CSMD1: variants seen among roughly 807,000 people sequenced by gnomAD.
CSMD1 encodes the protein CUB and sushi domain-containing protein 1.
CSMD1 carries 213 observed loss-of-function variants against 417.5 expected under a neutral mutation model. That is an observed-to-expected ratio of 0.51 (90% CI 0.46 to 0.57). The LOEUF is 0.57. Among genes scored for constraint, CSMD1 ranks in the 20% least tolerant of loss-of-function variants. The pLI, the probability that CSMD1 is intolerant of heterozygous loss-of-function variation, is 0.00. For missense variants in CSMD1, 6,923 were observed against 4,529.7 expected, an observed-to-expected ratio of 1.53 and a Z score of -15.17; for synonymous variants, 2,862 against 1,736.8, an observed-to-expected ratio of 1.65 and a Z score of -16.11.
At chr8:3,919,618 G>A (rs1809087330) in intron 5 of CSMD1, among the ~76,000 whole-genome samples, 1 of 151,960 alleles carries the variant, frequency 6.6e-6, no homozygotes, top group African/African-American at 2.4e-5. Flanking sequence ...GTTATCTCTG[G>A]TCTTTTGTGA....
At chr8:2,941,900 G>C (rs1801901289) in intron 69 of CSMD1, among the ~76,000 whole-genome samples, 1 of 152,170 alleles carries the variant, frequency 6.6e-6, no homozygotes, top group African/African-American at 2.4e-5. Context: ...GTTGGCCATG[G>C]AGCCTGAATG....
chr8:3,635,760 G>A (rs573216532), intron 7 of CSMD1, among the ~76,000 whole-genome samples: 24 of 138,108 alleles, frequency 1.7e-4, no homozygotes, highest in African/African-American at 6.5e-4. Context: ...TGGGATTACA[G>A]GTATGAACCT....
intron 3 of CSMD1, among the ~76,000 whole-genome samples, chr8:4,324,923 G>A (rs1413636902): frequency 6.6e-6 from 1 of 152,122 alleles, no homozygotes; most frequent in Non-Finnish European, 1.5e-5. Flanking sequence ...TAGGTATGGG[G>A]CCTCTTCACG....
chr8:4,257,471 G>C (rs921913975), intron 3 of CSMD1, among the ~76,000 whole-genome samples: 1 of 152,040 alleles, frequency 6.6e-6, no homozygotes, highest in Admixed American at 6.6e-5. Flanking sequence ...ATAGTTTTAA[G>C]AATGCATATA....
chr8:3,312,472 A>G (rs1353179673), intron 23 of CSMD1, among the ~76,000 whole-genome samples: 1 of 152,184 alleles, frequency 6.6e-6, no homozygotes, highest in African/African-American at 2.4e-5. Context: ...CCTGTCAGAA[A>G]GTTGAAAGTA....
intron 48 of CSMD1, 62 bp from the exon 49 acceptor site, chr8:3,087,347 G>T: frequency 2.0e-6 from 3 of 1,501,782 alleles, no homozygotes; most frequent in African/African-American, 2.7e-5. Flanking sequence ...CAGTGCCATT[G>T]CCTTTGTGAG....
intron 3 of CSMD1, among the ~76,000 whole-genome samples, chr8:4,305,592 A>G (rs774940148): frequency 2.6e-5 from 4 of 152,190 alleles, no homozygotes; most frequent in Non-Finnish European, 5.9e-5. Context: ...GTAAAAAATT[A>G]ACCTTTCAAT....
intron 1 of CSMD1, among the ~76,000 whole-genome samples, chr8:4,709,487 G>C (rs1017725131): frequency 1.3e-5 from 2 of 152,212 alleles, no homozygotes; most frequent in African/African-American, 4.8e-5. Context: ...AACAGGGGGA[G>C]CCTCATGTGC....
At chr8:3,085,306 C>T (rs977615262) in intron 49 of CSMD1, among the ~76,000 whole-genome samples, 3 of 152,080 alleles carry the variant, frequency 2.0e-5, no homozygotes, top group Admixed American at 1.3e-4. Context: ...ATATTGACTC[C>T]CAGGTTAACA....
At chr8:3,995,960 G>A (rs933349748) in intron 5 of CSMD1, among the ~76,000 whole-genome samples, 1 of 152,112 alleles carries the variant, frequency 6.6e-6, no homozygotes, top group Non-Finnish European at 1.5e-5. Flanking sequence ...CTGGATCCAG[G>A]CACCAAGAAG....
chr8:3,822,663 CTTCTCAGCTTCACA>C (rs1801804399), intron 5 of CSMD1, among the ~76,000 whole-genome samples: 1 of 152,180 alleles, frequency 6.6e-6, no homozygotes, highest in African/African-American at 2.4e-5. Context: ...TCATTTATGT[CTTCTCAGCTTCACA>C]GTCACGGCAA....
chr8:3,586,206 A>G lies in CSMD1; in HGVS notation c.1152T>C (p.Ser384=). 6.2e-7 allele frequency: 1 copy of G among 1,612,972 alleles called. No homozygotes were observed. Among genetic ancestry groups the G allele is most frequent in the Non-Finnish European group, 8.5e-7 (1 of 1,179,448 alleles). ...SCEDNYVLQG[S]KSITCQRVTE... ...TAACTCTCTGACAGGTGATGCTTTT[A>G]GATCCCTGGAGCACGTAATTGTCCT... Residue 384 remains serine, a synonymous_variant, in exon 9 of 70, where the codon TCT becomes TCC. Transcript: ENST00000635120.
At chr8:4,671,032 A>C (rs1805288868) in intron 1 of CSMD1, among the ~76,000 whole-genome samples, 1 of 152,206 alleles carries the variant, frequency 6.6e-6, no homozygotes, top group Non-Finnish European at 1.5e-5. Flanking sequence ...TGTTTTATCC[A>C]CTAATAATTC....
chr8:3,219,211 C>G, intron 29 of CSMD1, 44 bp downstream of exon 29: 1 of 1,487,414 alleles, frequency 6.7e-7, no homozygotes, highest in South Asian at 1.2e-5. Context: ...AAAAACAGTC[C>G]TGATACAAAT....
At chr8:3,167,688 A>G (rs1820317859) in intron 37 of CSMD1, among the ~76,000 whole-genome samples, 1 of 152,224 alleles carries the variant, frequency 6.6e-6, no homozygotes, top group Non-Finnish European at 1.5e-5. Context: ...AAAGCAAAGA[A>G]TCTAAAACAC....
At chr8:4,643,308 A>T (rs887021658) in intron 1 of CSMD1, among the ~76,000 whole-genome samples, 1 of 152,192 alleles carries the variant, frequency 6.6e-6, no homozygotes, top group Non-Finnish European at 1.5e-5. Context: ...TGAAAATGAC[A>T]ATTTATGGTT....
At position 3,394,027 on chromosome 8, in the gene CSMD1, TATATA is replaced by T. The variant is rs1563342376; in HGVS notation, c.2593+2162_2593+2166del. On this transcript the variant is annotated intron_variant, in intron 17 of 69. Transcript: ENST00000635120. ...AAAAAATAAATTATATATATATATA[TATATA>T]TATATATATATATATATATATATAG... 3.0e-3 allele frequency among the ~76,000 whole-genome samples: 192 copies of T among 63,010 alleles called. 8 individuals carry two copies. Among genetic ancestry groups the T allele is most frequent in the African/African-American group, 0.012 (184 of 14,758 alleles). The allele number at this position is 63,010 out of a possible 152,430, so 41.3% of individuals were successfully genotyped here. A position where few individuals can be genotyped will look rare whatever the true frequency, so the allele number is the denominator to read the frequency against.
chr8:3,286,848 T>C (rs369822678), intron 25 of CSMD1, among the ~76,000 whole-genome samples: 1 of 152,198 alleles, frequency 6.6e-6, no homozygotes, highest in Admixed American at 6.5e-5. Context: ...TTTGTCAATT[T>C]TGGCTTTTGT....
intron 37 of CSMD1, among the ~76,000 whole-genome samples, chr8:3,173,126 T>C (rs561514315): frequency 1.3e-5 from 2 of 152,344 alleles, no homozygotes; most frequent in South Asian, 2.1e-4. Context: ...TGAAGCACCA[T>C]GTGATTACGT....
Sources: gnomAD v4.1 joint callset for allele counts (sites outside exome capture counted in the v4.1 genomes callset) on GRCh38, gnomAD v4.1.1 for gene constraint, MANE v1.5 for transcripts, NCBI Gene and HGNC (gene_info 2026-07-23, HGNC 2026-07-21) for gene names.